The following PTPN3 variants were observed in gnomAD, a reference collection of about 807,000 sequenced individuals.
The protein encoded by PTPN3 is protein tyrosine phosphatase non-receptor type 3.
A neutral mutation model predicts 132.7 loss-of-function variants in PTPN3; 96 were observed. The ratio of observed to expected loss-of-function variants is 0.72; its 90% CI spans 0.61 to 0.86. PTPN3 has a LOEUF of 0.86. PTPN3 is among the 40% of genes least tolerant of loss of function. PTPN3 has a pLI of 0.00. For missense variants in PTPN3, 1,125 were observed against 1,159.6 expected, an observed-to-expected ratio of 0.97 and a Z score of 0.43; for synonymous variants, 398 against 429.0, an observed-to-expected ratio of 0.93 and a Z score of 0.89.
intron 22 of PTPN3, among the ~76,000 whole-genome samples, chr9:109,383,958 C>A (rs1267702634): frequency 6.6e-6 from 1 of 152,144 alleles, no homozygotes; most frequent in South Asian, 2.1e-4. Context: ...TTCTCCCCAC[C>A]CTTTTGAGGG....
intron 13 of PTPN3, 109 bp from the exon 14 acceptor site, chr9:109,420,709 T>TAGAAA: frequency 8.6e-7 from 1 of 1,166,938 alleles, no homozygotes; most frequent in Non-Finnish European, 1.2e-6. Flanking sequence ...ATGCCTTCCT[T>TAGAAA]GGCGGAGGCT....
chr9:109,407,236 A>G (rs982177354), intron 17 of PTPN3, among the ~76,000 whole-genome samples: 1 of 152,200 alleles, frequency 6.6e-6, no homozygotes, highest in African/African-American at 2.4e-5. Context: ...AAAGGTAACT[A>G]TGGAGCCAGG....
intron 14 of PTPN3, chr9:109,417,850 A>G (rs1011201209): frequency 9.8e-6 from 9 of 921,496 alleles, no homozygotes; most frequent in African/African-American, 1.8e-5. Flanking sequence ...ATTTAGCTGC[A>G]AGATAAAAAG....
intron 19 of PTPN3, among the ~76,000 whole-genome samples, chr9:109,400,053 G>A (rs530619822): frequency 1.4e-4 from 21 of 150,528 alleles, no homozygotes; most frequent in African/African-American, 4.9e-4. Flanking sequence ...TCAATCTCCC[G>A]AGTAGCTGGG....
rs533066578 is a variant in PTPN3 at position 109,380,664 on chromosome 9, A to AT, written c.2664+987dup. Among the ~76,000 whole-genome samples, 7 of 152,130 alleles carry AT rather than the reference A, an allele frequency of 4.6e-5. No individual in the cohort carries two copies. In the South Asian group the frequency reaches 1.0e-3, roughly 23 times the overall value. On this transcript the variant is annotated intron_variant, in intron 25 of 25. Transcript: ENST00000374541. The stretch of plus-strand genomic sequence containing the variant: ...AGAATGGCCCTAATAACATAAGCTG[A>AT]TTTTTTTTCTCTTAACAAGATTTTC...
intron 9 of PTPN3, 76 bp from the exon 10 acceptor site, chr9:109,433,237 C>A: frequency 1.3e-6 from 2 of 1,579,460 alleles, no homozygotes. Flanking sequence ...AAAGCACCCA[C>A]GCTGTTATAA....
At position 109,396,526 on chromosome 9, in the gene PTPN3, A is replaced by G. The variant is rs148055441; in HGVS notation, c.1954-4965T>C. ...GGGAGTCACCAGGAGGCTGAGAGGCAGGGTCACAGGGATACAAAATGACAA... is the reference window on the plus strand; with the variant it reads ...GGGAGTCACCAGGAGGCTGAGAGGCGGGGTCACAGGGATACAAAATGACAA... On this transcript the variant is annotated intron_variant, in intron 19 of 25. Transcript: ENST00000374541. Among the ~76,000 whole-genome samples the G allele has an allele frequency of 7.1e-3, 1,078 of 152,346 alleles. 9 individuals are homozygous for G. Among genetic ancestry groups the G allele is most frequent in the African/African-American group, 0.025 (1,029 of 41,576 alleles).
At chr9:109,478,678 C>T (rs899325557) in intron 1 of PTPN3, among the ~76,000 whole-genome samples, 5 of 152,176 alleles carry the variant, frequency 3.3e-5, no homozygotes, top group African/African-American at 7.2e-5. Flanking sequence ...TGCGCAAAAT[C>T]GCCAAGTTAA....
intron 1 of PTPN3, among the ~76,000 whole-genome samples, chr9:109,469,868 C>T (rs1846286076): frequency 6.6e-6 from 1 of 152,208 alleles, no homozygotes; most frequent in East Asian, 1.9e-4. Flanking sequence ...AGACATGCCA[C>T]CTCCTACGCT....
At chr9:109,511,220 C>T in the PTPN3 span, among the ~76,000 whole-genome samples, 3 of 152,226 alleles carry the variant, frequency 2.0e-5, no homozygotes, top group African/African-American at 7.2e-5. Context: ...CCTAAAATCC[C>T]CATGAGTAGG....
chr9:109,453,863 A>G (rs966352011), intron 5 of PTPN3, among the ~76,000 whole-genome samples: 12 of 151,424 alleles, frequency 7.9e-5, no homozygotes, highest in African/African-American at 2.9e-4. Flanking sequence ...AAAAAAAAAA[A>G]AATTAGCCAG....
chr9:109,456,492 G>C (rs1564459750), intron 4 of PTPN3, among the ~76,000 whole-genome samples: 1 of 152,220 alleles, frequency 6.6e-6, no homozygotes, highest in Non-Finnish European at 1.5e-5. Flanking sequence ...AAGTGGGAGG[G>C]AAAAGCATTC....
intron 1 of PTPN3, among the ~76,000 whole-genome samples, chr9:109,468,501 G>A (rs1846213524): frequency 6.6e-6 from 1 of 152,038 alleles, no homozygotes; most frequent in African/African-American, 2.4e-5. Flanking sequence ...TGAGCAGGTG[G>A]GACTACAGGC....
chr9:109,382,205 T>C, intron 24 of PTPN3, 97 bp downstream of exon 24: 1 of 1,416,414 alleles, frequency 7.1e-7, no homozygotes, highest in South Asian at 1.3e-5. Flanking sequence ...CACACGACTT[T>C]GTGGGATGTA....
At chr9:109,413,026 A>C (rs1040857494) in intron 14 of PTPN3, among the ~76,000 whole-genome samples, 9 of 150,926 alleles carry the variant, frequency 6.0e-5, no homozygotes, top group African/African-American at 2.2e-4. Flanking sequence ...TGCAAGCTCA[A>C]GCTCCACCTG....
At chr9:109,431,424 C>A (rs1843657645) in intron 10 of PTPN3, among the ~76,000 whole-genome samples, 1 of 152,188 alleles carries the variant, frequency 6.6e-6, no homozygotes, top group Non-Finnish European at 1.5e-5. Flanking sequence ...GGGCTGGGTG[C>A]AGAAAAATGA....
intron 5 of PTPN3, chr9:109,449,102 A>C: frequency 7.5e-7 from 1 of 1,336,248 alleles, no homozygotes; most frequent in South Asian, 1.7e-5. Flanking sequence ...AGGCTGTCCT[A>C]TGAAGAGCTG....
At chr9:109,500,927 C>CA (rs147542257), upstream of PTPN3, among the ~76,000 whole-genome samples, 1,175 of 83,948 alleles carry the variant, frequency 0.014, 51 homozygotes, top group East Asian at 0.16. Flanking sequence ...GATTCTGTCT[C>CA]AAATAAAAAA....
chr9:109,513,395 C>T, the PTPN3 span, among the ~76,000 whole-genome samples: 1 of 152,282 alleles, frequency 6.6e-6, no homozygotes, highest in East Asian at 1.9e-4. Context: ...ATCTCCCACC[C>T]TCTGGTCAGA....
Sources: gnomAD v4.1 joint callset for allele counts (sites outside exome capture counted in the v4.1 genomes callset) on GRCh38, gnomAD v4.1.1 for gene constraint, MANE v1.5 for transcripts, NCBI Gene and HGNC (gene_info 2026-07-23, HGNC 2026-07-21) for gene names.